TMEM120B: variants seen among roughly 807,000 people sequenced by gnomAD.
TMEM120B encodes transmembrane protein 120B.
TMEM120B carries 31 observed loss-of-function variants against 55.5 expected under a neutral mutation model. That is an observed-to-expected ratio of 0.56 (90% CI 0.42 to 0.75). The LOEUF (loss-of-function observed/expected upper bound fraction) is 0.75. Ranked by LOEUF, TMEM120B falls within the 30% of genes least tolerant of loss-of-function variation. The pLI, the probability that TMEM120B is intolerant of heterozygous loss-of-function variation, is 0.00. For synonymous variants in TMEM120B, 203 were observed against 176.3 expected (o/e 1.15, Z -1.20); for missense variants, 399 against 425.5 (o/e 0.94, Z 0.55).
rs754966056 is a variant in TMEM120B at position 121,743,757 on chromosome 12, G to C, written c.188+10G>C. The C allele has an allele frequency of 6.2e-7, 1 of 1,600,452 alleles. No individual in the cohort carries two copies. Among genetic ancestry groups the C allele is most frequent in the Admixed American group, 1.7e-5 (1 of 59,726 alleles). ...AGCTTACACTCCAGAGGTAGGTGCA[G>C]CTGTAGCCCGGGGGCTGCCCTGGTT... On this transcript the variant is annotated intron_variant, in intron 2 of 11. Coordinates refer to ENST00000449592, the MANE Select transcript of TMEM120B (RefSeq NM_001080825.2).
At chr12:121,726,471 C>G (rs1214232951) in intron 1 of TMEM120B, among the ~76,000 whole-genome samples, 1 of 149,814 alleles carries the variant, frequency 6.7e-6, no homozygotes. Context: ...CCCAGCTACT[C>G]GGGAGGCTGA....
intron 1 of TMEM120B, among the ~76,000 whole-genome samples, chr12:121,730,685 C>T (rs1048046134): frequency 6.8e-5 from 10 of 146,458 alleles, no homozygotes; most frequent in Non-Finnish European, 1.2e-4. Context: ...AAACCGGGCG[C>T]GGTGGCTCAC....
At chr12:121,750,530 C>A in intron 4 of TMEM120B, 91 bp downstream of exon 4, 2 of 995,996 alleles carry the variant, frequency 2.0e-6, no homozygotes, top group African/African-American at 1.7e-5. Flanking sequence ...AGAACCCACA[C>A]CCCACATCCA....
At chr12:121,750,565 C>G (rs1442252886) in intron 4 of TMEM120B, 126 bp downstream of exon 4, 5 of 685,182 alleles carry the variant, frequency 7.3e-6, no homozygotes, top group Non-Finnish European at 1.3e-5. Context: ...CCCCACACCT[C>G]AAACCCACAC....
At chr12:121,724,899 C>T (rs189273736) in intron 1 of TMEM120B, among the ~76,000 whole-genome samples, 11 of 152,132 alleles carry the variant, frequency 7.2e-5, no homozygotes, top group East Asian at 1.9e-4. Flanking sequence ...TGTGAGCCAC[C>T]GCGCCTGGCC....
chr12:121,738,467 C>T (rs1202825885), intron 1 of TMEM120B, among the ~76,000 whole-genome samples: 2 of 152,158 alleles, frequency 1.3e-5, no homozygotes, highest in African/African-American at 2.4e-5. Flanking sequence ...CCCCTTATCT[C>T]GCAGCAGCCT....
At chr12:121,725,171 G>A in intron 1 of TMEM120B, among the ~76,000 whole-genome samples, 1 of 152,148 alleles carries the variant, frequency 6.6e-6, no homozygotes, top group Non-Finnish European at 1.5e-5. Flanking sequence ...TGGCTTTGAA[G>A]TAGGCAGCTG....
intron 1 of TMEM120B, among the ~76,000 whole-genome samples, chr12:121,729,788 G>A (rs981871348): frequency 1.3e-4 from 20 of 152,132 alleles, no homozygotes; most frequent in African/African-American, 4.3e-4. Context: ...GACAGAGAGC[G>A]ATCCCGTCTT....
intron 6 of TMEM120B, among the ~76,000 whole-genome samples, chr12:121,765,035 A>T (rs552667241): frequency 6.6e-6 from 1 of 151,978 alleles, no homozygotes; most frequent in African/African-American, 2.4e-5. Context: ...AGTGTCTCCT[A>T]AGTACCAAAC....
rs1004016108 is a variant in TMEM120B at position 121,742,549 on chromosome 12, A to G, written c.70-1080A>G. Among the ~76,000 whole-genome samples, 6 of 152,128 alleles carry G rather than the reference A, an allele frequency of 3.9e-5. No homozygotes were observed. The South Asian group carries it at 6.2e-4, about 16-fold the overall frequency. ...GTCTGTATCATTCTAATTTTGGTACATGTGCTGCCAAAGTGAGCAGTGGCT... is the reference window on the plus strand; with the variant it reads ...GTCTGTATCATTCTAATTTTGGTACGTGTGCTGCCAAAGTGAGCAGTGGCT... On this transcript the variant is annotated intron_variant, in intron 1 of 11. Coordinates refer to ENST00000449592, the MANE Select transcript of TMEM120B (RefSeq NM_001080825.2).
intron 5 of TMEM120B, among the ~76,000 whole-genome samples, chr12:121,761,426 G>C (rs956983141): frequency 2.0e-5 from 3 of 152,180 alleles, no homozygotes; most frequent in Non-Finnish European, 4.4e-5. Flanking sequence ...GCGCAGGTGG[G>C]ACTCAGGGAG....
intron 3 of TMEM120B, among the ~76,000 whole-genome samples, chr12:121,749,882 G>C (rs1263090270): frequency 2.0e-5 from 3 of 150,660 alleles, no homozygotes; most frequent in African/African-American, 7.3e-5. Flanking sequence ...GTCCAGTCTG[G>C]GTGACAGACC....
intron 5 of TMEM120B, among the ~76,000 whole-genome samples, chr12:121,756,718 G>T (rs552168645): frequency 1.3e-5 from 2 of 152,336 alleles, no homozygotes; most frequent in South Asian, 2.1e-4. Flanking sequence ...TTGAAGCTTT[G>T]TGGCCCTACT....
In TMEM120B at chr12:121,780,445, C is replaced by T. The variant is rs1874407625; in HGVS notation, c.*4723C>T. On this transcript the variant is annotated 3_prime_UTR_variant, in exon 12 of 12. Transcript: ENST00000449592. ...ATTCTGTTTATTCCCCCATGCCTCA[C>T]CCAAAGAGTTGCACGGTCAATTGGC... The T allele has an allele frequency of 3.5e-6, 1 of 286,292 alleles. No homozygotes were observed. The highest frequency in any genetic ancestry group is 6.6e-6 in the Non-Finnish European group (1 of 152,042). The allele number at this position is 286,292 out of a possible 1,614,324, so 17.7% of individuals were successfully genotyped here.
chr12:121,752,083 T>G, intron 4 of TMEM120B, 45 bp from the exon 5 acceptor site: 1 of 1,537,808 alleles, frequency 6.5e-7, no homozygotes, highest in Non-Finnish European at 9.0e-7. Context: ...GGTGCTGGAA[T>G]AGTCATGGTA....
At chr12:121,753,878 C>T (rs1488714292) in intron 5 of TMEM120B, among the ~76,000 whole-genome samples, 1 of 152,208 alleles carries the variant, frequency 6.6e-6, no homozygotes. Context: ...TGTGTGGAAG[C>T]TCCACCCTGG....
chr12:121,720,492 T>G (rs2136976431), intron 1 of TMEM120B, among the ~76,000 whole-genome samples: 1 of 152,210 alleles, frequency 6.6e-6, no homozygotes, highest in East Asian at 1.9e-4. Flanking sequence ...GGCAGGTCAT[T>G]TGAGCTCAGG....
chr12:121,724,941 T>C (rs2669171), intron 1 of TMEM120B, among the ~76,000 whole-genome samples: 136,112 of 152,218 alleles, frequency 0.89, 60,895 homozygotes, highest in Middle Eastern at 0.95. Flanking sequence ...AGAGAAACAG[T>C]TCTATAGGCT....
chr12:121,714,349 C>T (rs118128493), intron 1 of TMEM120B, among the ~76,000 whole-genome samples: 7,192 of 152,112 alleles, frequency 0.047, 265 homozygotes, highest in Admixed American at 0.065. Flanking sequence ...CTCCGCCTCC[C>T]GGGTTCGAGC....
Sources: allele counts gnomAD v4.1 joint callset (sites outside exome capture counted in the v4.1 genomes callset), GRCh38; gene constraint gnomAD v4.1.1; transcripts MANE v1.5; gene names NCBI Gene and HGNC (gene_info 2026-07-23, HGNC 2026-07-21).